The following ZBTB7C variants were observed in gnomAD, a reference collection of about 807,000 sequenced individuals.
The protein encoded by ZBTB7C is zinc finger and BTB domain containing 7C, also known as zinc finger and BTB domain-containing protein 7C.
Under a neutral mutation model 25.7 loss-of-function variants are expected in ZBTB7C, and 8 were observed. The ratio of observed to expected loss-of-function variants is 0.31; its 90% CI spans 0.18 to 0.56. ZBTB7C has a LOEUF of 0.56. Ranked by LOEUF, ZBTB7C falls within the 20% of genes least tolerant of loss-of-function variation. The probability of loss-of-function intolerance (pLI) is 0.91; values close to 1 mark genes in which losing one functional copy is unlikely to be tolerated. For synonymous variants in ZBTB7C, 394 were observed against 369.0 expected, an observed-to-expected ratio of 1.07 and a Z score of -0.78; for missense variants, 824 against 855.2, an observed-to-expected ratio of 0.96 and a Z score of 0.46.
chr18:48,101,918 G>A (rs1568218962), intron 3 of ZBTB7C, among the ~76,000 whole-genome samples: 1 of 152,050 alleles, frequency 6.6e-6, no homozygotes, highest in Non-Finnish European at 1.5e-5. Context: ...GGAAATCCCA[G>A]GTAACCAAGC....
At chr18:48,282,836 T>C (rs1665794353) in intron 2 of ZBTB7C, among the ~76,000 whole-genome samples, 1 of 152,154 alleles carries the variant, frequency 6.6e-6, no homozygotes, top group South Asian at 2.1e-4. Flanking sequence ...GTCAGGACAA[T>C]GGTTACCCTT....
intron 2 of ZBTB7C, among the ~76,000 whole-genome samples, chr18:48,309,720 A>T (rs2045766765): frequency 6.6e-6 from 1 of 152,272 alleles, no homozygotes; most frequent in Non-Finnish European, 1.5e-5. Context: ...CTTTTAAGAG[A>T]GAGAAACTGA....
intron 3 of ZBTB7C, among the ~76,000 whole-genome samples, chr18:48,119,866 G>T (rs1198413939): frequency 6.6e-6 from 1 of 152,200 alleles, no homozygotes; most frequent in Non-Finnish European, 1.5e-5. Context: ...ACTGGCTTGG[G>T]GTCAGGTACT....
intron 2 of ZBTB7C, among the ~76,000 whole-genome samples, chr18:48,303,271 C>T (rs922938501): frequency 6.6e-6 from 1 of 152,186 alleles, no homozygotes; most frequent in Admixed American, 6.5e-5. Flanking sequence ...AAACAAAAGG[C>T]GAAGAGCCAA....
intron 2 of ZBTB7C, among the ~76,000 whole-genome samples, chr18:48,246,514 T>C (rs1190478874): frequency 2.0e-5 from 3 of 151,800 alleles, no homozygotes; most frequent in African/African-American, 7.3e-5. Context: ...ACCTGTTACT[T>C]AAAGAAAATG....
intron 4 of ZBTB7C, among the ~76,000 whole-genome samples, chr18:48,033,737 A>G (rs1459925144): frequency 6.6e-6 from 1 of 152,218 alleles, no homozygotes; most frequent in East Asian, 1.9e-4. Flanking sequence ...TACTTCCAAG[A>G]TAAGGAAAGA....
At chr18:48,240,134 A>G (rs912401417) in intron 2 of ZBTB7C, among the ~76,000 whole-genome samples, 1 of 152,080 alleles carries the variant, frequency 6.6e-6, no homozygotes, top group African/African-American at 2.4e-5. Context: ...CTCAAAGACA[A>G]GGCTTCTGAA....
chr18:48,313,660 A>G (rs929605548), intron 2 of ZBTB7C, among the ~76,000 whole-genome samples: 1 of 152,110 alleles, frequency 6.6e-6, no homozygotes, highest in Non-Finnish European at 1.5e-5. Flanking sequence ...TTTAACTGCA[A>G]TCTCCGGGGC....
Position 48,081,701 on chromosome 18 carries a change from TAAG to T in ZBTB7C, c.-16-40581_-16-40579del, listed in dbSNP as rs201900212. 3.0e-4 allele frequency among the ~76,000 whole-genome samples: 45 copies of T among 152,238 alleles called. 1 individual carries two copies. The East Asian group carries it at 8.3e-3, about 28-fold the overall frequency. On this transcript the variant is annotated intron_variant, in intron 3 of 4. Coordinates refer to ENST00000590800, the MANE Select transcript of ZBTB7C (RefSeq NM_001318841.2). ...GTTCAACAGGGGTCCAGCATCAAAT[TAAG>T]TTCTGCAAAATGTTTTGAACTCCTA...
At chr18:48,318,497 G>A (rs1300722180) in intron 2 of ZBTB7C, among the ~76,000 whole-genome samples, 1 of 152,128 alleles carries the variant, frequency 6.6e-6, no homozygotes, top group Non-Finnish European at 1.5e-5. Context: ...TTGAATCAGT[G>A]CTGGCATGGC....
intron 2 of ZBTB7C, among the ~76,000 whole-genome samples, chr18:48,285,982 A>G (rs2045036863): frequency 6.6e-6 from 1 of 152,122 alleles, no homozygotes; most frequent in Non-Finnish European, 1.5e-5. Flanking sequence ...TGGCTTCCCA[A>G]ACACAGGAAA....
intron 2 of ZBTB7C, among the ~76,000 whole-genome samples, chr18:48,204,636 T>C (rs12457004): frequency 0.096 from 14,618 of 152,122 alleles, 1,005 homozygotes; most frequent in Admixed American, 0.21. Context: ...GACAAGACCA[T>C]GCCTCTTGAG....
chr18:48,272,516 T>A (rs1032697084), intron 2 of ZBTB7C, among the ~76,000 whole-genome samples: 1 of 152,122 alleles, frequency 6.6e-6, no homozygotes, highest in African/African-American at 2.4e-5. Context: ...GCCAATTCAG[T>A]TTCAATAAAA....
chr18:48,366,517 T>C (rs1004064949), intron 1 of ZBTB7C, among the ~76,000 whole-genome samples: 6 of 152,054 alleles, frequency 3.9e-5, no homozygotes, highest in African/African-American at 1.2e-4. Context: ...TAGGAAAAAA[T>C]ATTTGCAACA....
At chr18:48,041,734 T>C in intron 3 of ZBTB7C, among the ~76,000 whole-genome samples, 2 of 146,824 alleles carry the variant, frequency 1.4e-5, no homozygotes. Context: ...TTGTAAATCT[T>C]GATCCTTTTT....
chr18:48,274,288 T>C (rs1473045976), intron 2 of ZBTB7C, among the ~76,000 whole-genome samples: 1 of 152,222 alleles, frequency 6.6e-6, no homozygotes, highest in Admixed American at 6.5e-5. Flanking sequence ...TGCTGCATGG[T>C]TTATTTGTTA....
chr18:48,243,862 A>C (rs1278519561), intron 2 of ZBTB7C, among the ~76,000 whole-genome samples: 1 of 152,218 alleles, frequency 6.6e-6, no homozygotes, highest in Non-Finnish European at 1.5e-5. Flanking sequence ...GAAACCAGGA[A>C]TAAAGCCACA....
chr18:48,029,637 G>C lies in ZBTB7C; in HGVS notation c.1483C>G (p.Pro495Ala). 2 of 1,526,136 alleles carry C rather than the reference G, an allele frequency of 1.3e-6. No homozygotes were observed. The highest frequency in any genetic ancestry group is 1.2e-5 in the South Asian group (1 of 82,344). 94.5% of individuals were successfully genotyped at this position (1,526,136 alleles called of 1,614,324 possible). The change falls in exon 5 of 5, where the codon CCC (proline) becomes GCC (alanine). Residue 495 changes from proline to alanine, a missense_variant. Around this residue, in one of 4 missense-constraint regions of ZBTB7C, gnomAD observed 342 missense variants for 307.0 expected, o/e 1.11. Coordinates refer to ENST00000590800, the MANE Select transcript of ZBTB7C (RefSeq NM_001318841.2). The stretch of plus-strand genomic sequence containing the variant: ...GCCTTGTCGGGGGCCGGGCCGCCGG[G>C]CCCGAAGAGCAGGCTGGCGGCCCTC... The part of the protein sequence containing the change: ...AWRAASLLFG[P>A]GGPAPDKAAF...
intron 3 of ZBTB7C, among the ~76,000 whole-genome samples, chr18:48,083,678 A>G (rs1048641606): frequency 4.6e-5 from 7 of 152,128 alleles, no homozygotes; most frequent in African/African-American, 1.4e-4. Context: ...ATTTGTCATA[A>G]TGGGGCTTTA....
Sources: gnomAD v4.1 joint callset for allele counts (sites outside exome capture counted in the v4.1 genomes callset) on GRCh38, gnomAD v4.1.1 for gene constraint, gnomAD v4.1.1 regional missense constraint, MANE v1.5 for transcripts, NCBI Gene and HGNC (gene_info 2026-07-23, HGNC 2026-07-21) for gene names.